Variants in DYSF observed in about 807,000 individuals in gnomAD.
DYSF encodes dystrophy-associated fer-1-like 1.
DYSF carries 212 observed loss-of-function variants against 274.9 expected under a neutral mutation model. That is an observed-to-expected ratio of 0.77 (90% confidence interval 0.69 to 0.86). DYSF has a LOEUF of 0.86. Among genes scored for constraint, DYSF ranks in the 40% least tolerant of loss-of-function variants. DYSF has a pLI of 0.00. For missense variants in DYSF, 2,666 were observed against 2,783.2 expected, an observed-to-expected ratio of 0.96 and a Z score of 0.95; for synonymous variants, 1,091 against 1,078.7, an observed-to-expected ratio of 1.01 and a Z score of -0.22.
At chr2:71,631,640 G>A (rs1437215574) in intron 41 of DYSF, among the ~76,000 whole-genome samples, 2 of 152,166 alleles carry the variant, frequency 1.3e-5, no homozygotes, top group African/African-American at 4.8e-5. Flanking sequence ...AATCAGGGCC[G>A]AAATCTGTTA....
In DYSF at chr2:71,570,632, G is replaced by GGAAGCCGAAGCACTGGGTCCCTGCTGA; in HGVS notation, c.3124_3150dup (p.Pro1042_Lys1050dup). 6.2e-7 allele frequency: 1 copy of GGAAGCCGAAGCACTGGGTCCCTGCTGA among 1,614,074 alleles called. No homozygotes were observed. The highest frequency in any genetic ancestry group is 8.5e-7 in the Non-Finnish European group (1 of 1,179,986). Reference sequence around the variant, plus strand: ...TATAGCATCACCATCCCCCCGGAGCGGAAGCCGAAGCACTGGGTCCCTGCT... The same window carrying GGAAGCCGAAGCACTGGGTCCCTGCTGA: ...TATAGCATCACCATCCCCCCGGAGCGGAAGCCGAAGCACTGGGTCCCTGCTGAGAAGCCGAAGCACTGGGTCCCTGCT... On this transcript the variant is annotated inframe_insertion, in exon 29 of 56. Transcript: ENST00000410020.
chr2:71,453,675 G>A (rs2152620241), exon 1 of DYSF: 1 of 409,978 alleles, frequency 2.4e-6, no homozygotes, highest in East Asian at 5.2e-5. Context: ...AGACTCCGCA[G>A]CCGGAGCATT....
intron 1 of DYSF, among the ~76,000 whole-genome samples, chr2:71,473,031 C>G (rs961298935): frequency 6.6e-6 from 1 of 152,198 alleles, no homozygotes; most frequent in South Asian, 2.1e-4. Flanking sequence ...CACCCTGGCT[C>G]CCTCCCTTTT....
rs115124377 is a variant in DYSF at position 71,669,281 on chromosome 2, G to A, written c.5642+74G>A. On this transcript the variant is annotated intron_variant, in intron 50 of 55. Transcript: ENST00000410020. ...GCTCCCTCTGGGTTGTGCACAGCAC[G>A]GGGGGCTCTGGCTCAGGGAAGGGAA... The A allele has an allele frequency of 2.8e-3, 3,538 of 1,272,650 alleles. 11 individuals are homozygous for A. Among genetic ancestry groups the A allele is most frequent in the Admixed American group, 4.0e-3 (203 of 50,942 alleles). 78.8% of individuals were successfully genotyped at this position (1,272,650 alleles called of 1,614,324 possible).
chr2:71,657,995 T>C (rs553729679), intron 43 of DYSF, among the ~76,000 whole-genome samples: 27 of 152,256 alleles, frequency 1.8e-4, no homozygotes, highest in Non-Finnish European at 4.0e-4. Flanking sequence ...TGGGTTTTTC[T>C]TTTCTTCTGC....
At chr2:71,606,723 C>T (rs1032209296) in intron 36 of DYSF, among the ~76,000 whole-genome samples, 2 of 152,088 alleles carry the variant, frequency 1.3e-5, no homozygotes, top group Non-Finnish European at 2.9e-5. Flanking sequence ...GGTTATAAGA[C>T]GTTTCTGGAG....
chr2:71,535,479 C>G (rs1225995279), intron 16 of DYSF, among the ~76,000 whole-genome samples, 168 bp downstream of exon 16: 1 of 151,892 alleles, frequency 6.6e-6, no homozygotes, highest in Non-Finnish European at 1.5e-5. Context: ...GGCAGTTCCT[C>G]GGAAGCTTAC....
intron 17 of DYSF, among the ~76,000 whole-genome samples, chr2:71,542,222 A>T (rs1559115283): frequency 6.6e-6 from 1 of 152,250 alleles, no homozygotes; most frequent in Non-Finnish European, 1.5e-5. Flanking sequence ...AATGTCTAGT[A>T]CACAATAACC....
Position 71,520,817 on chromosome 2 carries a change from G to T in DYSF, c.1062G>T (p.Leu354=). 6 of 1,614,062 alleles carry T rather than the reference G, an allele frequency of 3.7e-6. No individual in the cohort carries two copies. The highest frequency in any genetic ancestry group is 5.1e-6 in the Non-Finnish European group (6 of 1,179,998). The part of the protein sequence containing the change: ...PRHAYLRKWL[L]LSDPDDFSAG... ...ACGCCTATCTCAGGAAGTGGCTGCT[G>T]CTCTCAGACCCTGATGACTTCTCTG... The change falls in exon 12 of 56, where the codon CTG becomes CTT. Residue 354 remains leucine (L), a synonymous_variant. Transcript: ENST00000410020.
chr2:71,680,614 A>G (rs997270239), intron 53 of DYSF, among the ~76,000 whole-genome samples: 1 of 152,260 alleles, frequency 6.6e-6, no homozygotes, highest in Admixed American at 6.5e-5. Context: ...ATCCCATACA[A>G]TGTTTGGCAG....
At position 71,553,075 on chromosome 2, in the gene DYSF, A is replaced by T. The variant is rs765709361; in HGVS notation, c.1871A>T (p.Asp624Val). 2 of 1,614,162 alleles carry T rather than the reference A, an allele frequency of 1.2e-6. No homozygotes were observed. Among genetic ancestry groups the T allele is most frequent in the Non-Finnish European group, 1.7e-6 (2 of 1,180,028 alleles). ...TTCTACTCAGCCACCATGCTGCAGG[A>T]TGTGGATGATGCCATCCAGTTTGAG... The part of the protein sequence containing the change: ...AAFYSATMLQ[D>V]VDDAIQFEVS... Residue 624 changes from aspartate (D) to valine (V), a missense_variant, in exon 20 of 56, where the codon GAT (aspartate) becomes GTT (valine). Around this residue, in one of 3 missense-constraint regions of DYSF, gnomAD observed 412 missense variants for 504.0 expected, o/e 0.82. Coordinates refer to ENST00000410020, the MANE Select transcript of DYSF (RefSeq NM_001130987.2).
chr2:71,512,363 T>C (rs1356356815), intron 5 of DYSF, among the ~76,000 whole-genome samples: 1 of 152,138 alleles, frequency 6.6e-6, no homozygotes, highest in East Asian at 1.9e-4. Context: ...AAAGAACTAG[T>C]TTTTTTTCTT....
intron 6 of DYSF, 95 bp from the exon 7 acceptor site, chr2:71,513,621 C>A (rs1294843339): frequency 2.3e-6 from 3 of 1,315,012 alleles, no homozygotes; most frequent in Non-Finnish European, 3.2e-6. Context: ...GGGCCCATGC[C>A]TTTTGGATCT....
At chr2:71,466,506 G>A (rs530188349), upstream of DYSF, among the ~76,000 whole-genome samples, 1 of 152,278 alleles carries the variant, frequency 6.6e-6, no homozygotes, top group East Asian at 1.9e-4. Flanking sequence ...GCGCGCCCGC[G>A]TCAGCGGCGC....
intron 14 of DYSF, 61 bp from the exon 15 acceptor site, chr2:71,534,960 C>T: frequency 1.9e-6 from 3 of 1,581,328 alleles, no homozygotes; most frequent in Non-Finnish European, 1.7e-6. Context: ...GCATGTGGCC[C>T]CGGGGGAGCC....
At chr2:71,507,673 C>A (rs2085633503) in intron 4 of DYSF, among the ~76,000 whole-genome samples, 1 of 152,206 alleles carries the variant, frequency 6.6e-6, no homozygotes, top group African/African-American at 2.4e-5. Context: ...TGGGTCAGGC[C>A]AGACATGTCA....
intron 33 of DYSF, among the ~76,000 whole-genome samples, chr2:71,599,242 G>A (rs1417479104): frequency 6.6e-6 from 1 of 152,172 alleles, no homozygotes; most frequent in East Asian, 1.9e-4. Flanking sequence ...TACCACAACT[G>A]TCCCACAGGA....
chr2:71,539,286 C>T lies in DYSF; in HGVS notation c.1576+47C>T, dbSNP rs144821807. ...CCCTTTGACCCCCTGTGCTCTCCCCCGTACCCCCTCTATCCAGCTTACACT... is the reference window on the plus strand; with the variant it reads ...CCCTTTGACCCCCTGTGCTCTCCCCTGTACCCCCTCTATCCAGCTTACACT... On this transcript the variant is annotated intron_variant, in intron 17 of 55. Transcript: ENST00000410020. The T allele has an allele frequency of 2.4e-4, 359 of 1,517,782 alleles. 2 individuals are homozygous for T. In the African/African-American group the frequency reaches 2.8e-3, roughly 12 times the overall value. The allele number at this position is 1,517,782 out of a possible 1,614,324, so 94.0% of individuals were successfully genotyped here.
At position 71,526,290 on chromosome 2, in the gene DYSF, C is replaced by G. The variant is rs2087892446; in HGVS notation, c.1220C>G (p.Ala407Gly). The stretch of plus-strand genomic sequence containing the variant: ...AACCTGCTCCGGCCCACAGGCGTAG[C>G]CCTGCGAGGAGCCCACTTCTGCCTG... Reference protein sequence around the residue: ...ESNLLRPTGVALRGAHFCLKV... With the variant: ...ESNLLRPTGVGLRGAHFCLKV... Residue 407 changes from alanine (A) to glycine (G), a missense_variant, in exon 13 of 56, where the codon GCC becomes GGC. Around this residue, in one of 3 missense-constraint regions of DYSF, gnomAD observed 794 missense variants for 777.1 expected, o/e 1.02. Coordinates refer to ENST00000410020, the MANE Select transcript of DYSF (RefSeq NM_001130987.2). 1 of 1,614,104 alleles carries G rather than the reference C, an allele frequency of 6.2e-7. No homozygotes were observed. Among genetic ancestry groups the G allele is most frequent in the Admixed American group, 1.7e-5 (1 of 60,012 alleles).
Sources: gnomAD v4.1 joint callset for allele counts (sites outside exome capture counted in the v4.1 genomes callset) on GRCh38, gnomAD v4.1.1 for gene constraint, gnomAD v4.1.1 regional missense constraint, MANE v1.5 for transcripts, NCBI Gene and HGNC (gene_info 2026-07-23, HGNC 2026-07-21) for gene names.